Variants in GPR149 observed in about 807,000 individuals in gnomAD.
GPR149 encodes probable G protein-coupled receptor 149.
Under a neutral mutation model 50.2 loss-of-function variants are expected in GPR149, and 50 were observed. That is an observed-to-expected ratio of 1.00 (90% confidence interval 0.79 to 1.26). The LOEUF (loss-of-function observed/expected upper bound fraction) is 1.26. Among genes scored for constraint, GPR149 ranks in the 50% most tolerant of loss-of-function variants. The pLI, the probability that GPR149 is intolerant of heterozygous loss-of-function variation, is 0.00. For missense variants in GPR149, 983 were observed against 895.4 expected (o/e 1.10, Z -1.25); for synonymous variants, 405 against 358.2 (o/e 1.13, Z -1.48).
intron 3 of GPR149, among the ~76,000 whole-genome samples, chr3:154,374,173 T>TC (rs68003830): frequency 1.3e-3 from 190 of 142,504 alleles, no homozygotes; most frequent in East Asian, 4.0e-3. Flanking sequence ...TCTTTTCTTT[T>TC]TTTTTTTTTT....
intron 3 of GPR149, among the ~76,000 whole-genome samples, chr3:154,412,589 CAAT>C (rs1188245137): frequency 6.6e-6 from 1 of 151,284 alleles, no homozygotes; most frequent in Non-Finnish European, 1.5e-5. Context: ...GCTGCAAAGA[CAAT>C]AAAATACTGA....
chr3:154,357,732 C>T (rs181658657), intron 3 of GPR149, among the ~76,000 whole-genome samples: 12 of 152,300 alleles, frequency 7.9e-5, no homozygotes, highest in Admixed American at 3.9e-4. Context: ...GTCAGTGTGG[C>T]AATGGCTCAG....
intron 3 of GPR149, among the ~76,000 whole-genome samples, chr3:154,392,163 A>G (rs1429968289): frequency 1.3e-5 from 2 of 151,938 alleles, no homozygotes; most frequent in Non-Finnish European, 2.9e-5. Context: ...TTAATCTAAC[A>G]GATCTATACA....
intron 3 of GPR149, among the ~76,000 whole-genome samples, chr3:154,362,071 T>C (rs1576906086): frequency 6.6e-6 from 1 of 152,028 alleles, no homozygotes; most frequent in African/African-American, 2.4e-5. Flanking sequence ...AGGTGGATCA[T>C]GAGGTCAGGA....
In GPR149 at chr3:154,382,539, TC is replaced by T. The variant is rs1251283745; in HGVS notation, c.1623+38499del. Among the ~76,000 whole-genome samples, 4 of 152,332 alleles carry T rather than the reference TC, an allele frequency of 2.6e-5. No individual in the cohort carries two copies. In the East Asian group the frequency reaches 7.7e-4, roughly 29 times the overall value. ...TCAAATGACCACTTGATCAAATTTT[TC>T]AATTATCAAAATATCATATTGAAAA... On this transcript the variant is annotated intron_variant, in intron 3 of 3. Transcript: ENST00000389740.
chr3:154,408,755 T>C (rs1369291146), intron 3 of GPR149, among the ~76,000 whole-genome samples: 1 of 152,234 alleles, frequency 6.6e-6, no homozygotes, highest in Non-Finnish European at 1.5e-5. Flanking sequence ...TCTGCCTTGG[T>C]AGTCGAAGGC....
intron 3 of GPR149, among the ~76,000 whole-genome samples, chr3:154,383,208 G>C (rs571859135): frequency 6.6e-6 from 1 of 152,312 alleles, no homozygotes; most frequent in South Asian, 2.1e-4. Context: ...AAGATTAAAT[G>C]AGTTGACCCA....
In GPR149 at chr3:154,428,991, A is replaced by G. The variant is rs767381834; in HGVS notation, c.625T>C (p.Ser209Pro). The change falls in exon 1 of 4, where the codon TCA (serine) becomes CCA (proline). Residue 209 changes from serine to proline, a missense_variant. Ser to Pro is a moderately conservative substitution (Grantham distance 74). Coordinates refer to ENST00000389740, the MANE Select transcript of GPR149 (RefSeq NM_001038705.3). ...ALAFGLLVGL[S>P]VPLTHRLLCS... ...AGCAATCGGTGAGTGAGTGGGACTG[A>G]GAGGCCCACGAGGAGTCCGAAGGCC... 1.4e-5 allele frequency: 23 copies of G among 1,613,928 alleles called. No homozygotes were observed. Among genetic ancestry groups the G allele is most frequent in the Non-Finnish European group, 1.8e-5 (21 of 1,179,992 alleles).
chr3:154,376,743 CAA>C (rs1209636875), intron 3 of GPR149, among the ~76,000 whole-genome samples: 1 of 152,010 alleles, frequency 6.6e-6, no homozygotes, highest in Non-Finnish European at 1.5e-5. Flanking sequence ...AGATAAAATG[CAA>C]AAACACTCCC....
At position 154,427,501 on chromosome 3, in the gene GPR149, G is replaced by A. The variant is rs1456367523; in HGVS notation, c.1174+15C>T. On this transcript the variant is annotated intron_variant, in intron 2 of 3. Transcript: ENST00000389740. ...ATGCATATTGCTGCCAATCACTGCAGTGTTGAGGACTTACTTTTTTTCCCA... is the reference window on the plus strand; with the variant it reads ...ATGCATATTGCTGCCAATCACTGCAATGTTGAGGACTTACTTTTTTTCCCA... 1 of 1,590,226 alleles carries A rather than the reference G, an allele frequency of 6.3e-7. No homozygotes were observed. Among genetic ancestry groups the A allele is most frequent in the Admixed American group, 1.7e-5 (1 of 57,474 alleles).
At chr3:154,351,313 CAAAAAAAAAAAAAAAAAAAAAA>C (rs71155003) in intron 3 of GPR149, among the ~76,000 whole-genome samples, 1 of 75,528 alleles carries the variant, frequency 1.3e-5, no homozygotes, top group Admixed American at 1.8e-4. Context: ...CATCCACATA[CAAAAAAAAAAAAAAAAAAAAAA>C]AAAAAAAAAA....
chr3:154,376,422 G>C (rs982172923), intron 3 of GPR149, among the ~76,000 whole-genome samples: 4 of 152,162 alleles, frequency 2.6e-5, no homozygotes, highest in Admixed American at 2.6e-4. Flanking sequence ...CCCTGTTCAG[G>C]TTGATGTCAG....
At chr3:154,419,332 G>A (rs73162359) in intron 3 of GPR149, among the ~76,000 whole-genome samples, 1,893 of 152,050 alleles carry the variant, frequency 0.012, 19 homozygotes, top group Non-Finnish European at 0.02. Flanking sequence ...ATTCTTTCAC[G>A]TTTCTAGTTA....
intron 2 of GPR149, among the ~76,000 whole-genome samples, chr3:154,423,629 A>G (rs1712207973): frequency 6.6e-6 from 1 of 151,898 alleles, no homozygotes; most frequent in Non-Finnish European, 1.5e-5. Context: ...ACAATGTAAG[A>G]TGAGAGGCTG....
chr3:154,395,630 A>C (rs951192636), intron 3 of GPR149, among the ~76,000 whole-genome samples: 6 of 151,974 alleles, frequency 3.9e-5, no homozygotes, highest in African/African-American at 4.8e-5. Context: ...TTCTACGAAA[A>C]TAAACTAAAC....
chr3:154,404,018 T>A (rs1440955790), intron 3 of GPR149, among the ~76,000 whole-genome samples: 1 of 152,220 alleles, frequency 6.6e-6, no homozygotes, highest in Non-Finnish European at 1.5e-5. Context: ...GTGGTTAATG[T>A]ATTGGACAGT....
chr3:154,363,071 T>C (rs1269820270), intron 3 of GPR149, among the ~76,000 whole-genome samples: 1 of 152,014 alleles, frequency 6.6e-6, no homozygotes, highest in Non-Finnish European at 1.5e-5. Context: ...GGAAATAAAA[T>C]TAATAGGTTA....
rs1204644265 is a variant in GPR149, at chr3:154,418,497, G to A, written c.1623+2542C>T. ...ATACTATGCAGCCATAAAAAATGAT[G>A]AGTTCATGTCCTTTGTAGGGACATG... On this transcript the variant is annotated intron_variant, in intron 3 of 3. Coordinates refer to ENST00000389740, the MANE Select transcript of GPR149 (RefSeq NM_001038705.3). 3.2e-4 allele frequency among the ~76,000 whole-genome samples: 26 copies of A among 80,934 alleles called. 1 individual carries two copies. The East Asian group carries it at 6.2e-3, about 19-fold the overall frequency. 53.1% of individuals were successfully genotyped at this position (80,934 alleles called of 152,430 possible). A position where few individuals can be genotyped will look rare whatever the true frequency, so the allele number is the denominator to read the frequency against.
At position 154,349,394 on chromosome 3, in the gene GPR149, TAG is replaced by T. The variant is rs1251100825; in HGVS notation, c.1624-11125_1624-11124del. Among the ~76,000 whole-genome samples, 27 of 152,230 alleles carry T rather than the reference TAG, an allele frequency of 1.8e-4. No individual in the cohort carries two copies. The East Asian group carries it at 4.8e-3, about 27-fold the overall frequency. On this transcript the variant is annotated intron_variant, in intron 3 of 3. Transcript: ENST00000389740. ...AAGAGAAGACACAGATTACCAGTATTAGGAATGAAACAGGATATCACTGCAGA... is the reference window on the plus strand; with the variant it reads ...AAGAGAAGACACAGATTACCAGTATTGAATGAAACAGGATATCACTGCAGA...
Sources: gnomAD v4.1 joint callset for allele counts (sites outside exome capture counted in the v4.1 genomes callset) on GRCh38, gnomAD v4.1.1 for gene constraint, MANE v1.5 for transcripts, NCBI Gene and HGNC (gene_info 2026-07-23, HGNC 2026-07-21) for gene names.